NUP98: variants seen among roughly 807,000 people sequenced by gnomAD.
NUP98 encodes nuclear pore complex protein Nup98-Nup96.
Under a neutral mutation model 191.9 loss-of-function variants are expected in NUP98, and 26 were observed. That is an observed-to-expected ratio of 0.14 (90% CI 0.10 to 0.19). The LOEUF is 0.19. Ranked by LOEUF, NUP98 falls within the 10% of genes least tolerant of loss-of-function variation. The probability of loss-of-function intolerance (pLI) is 1.00; values close to 1 mark genes in which losing one functional copy is unlikely to be tolerated. For synonymous variants in NUP98, 808 were observed against 778.4 expected (o/e 1.04, Z -0.63); for missense variants, 1,941 against 2,178.8 (o/e 0.89, Z 2.17).
intron 30 of NUP98, among the ~76,000 whole-genome samples, chr11:3,680,574 C>T (rs1343968331): frequency 1.3e-5 from 2 of 152,160 alleles, no homozygotes; most frequent in Non-Finnish European, 2.9e-5. Context: ...TGGGGTCTCA[C>T]TCTCTCACTC....
intron 10 of NUP98, among the ~76,000 whole-genome samples, chr11:3,754,175 T>C (rs528214673): frequency 6.6e-6 from 1 of 152,294 alleles, no homozygotes; most frequent in Admixed American, 6.5e-5. Flanking sequence ...ACGCCTGTAA[T>C]CCCAACACTT....
chr11:3,689,210 G>A (rs556013058), intron 28 of NUP98, among the ~76,000 whole-genome samples: 1 of 152,158 alleles, frequency 6.6e-6, no homozygotes, highest in Non-Finnish European at 1.5e-5. Flanking sequence ...ACCAGCCCGG[G>A]TGACAGAGCA....
chr11:3,721,881 C>G (rs7131258), intron 16 of NUP98, among the ~76,000 whole-genome samples: 3,093 of 152,242 alleles, frequency 0.02, 98 homozygotes, highest in African/African-American at 0.067. Context: ...GGCTAACTTG[C>G]TCTCTGAGAG....
rs759892056 is a variant in NUP98 at position 3,778,929 on chromosome 11, C to G, written c.299G>C (p.Ser100Thr). 4 of 1,614,074 alleles carry G rather than the reference C, an allele frequency of 2.5e-6. No homozygotes were observed. Among genetic ancestry groups the G allele is most frequent in the Admixed American group, 1.7e-5 (1 of 59,988 alleles). ...GGCATTGTTTTGGGATGAGAAGAGA[C>G]TGGTCCCTGTGCTTGCAGTTCCAAA... ...TLFGTASTGT[S>T]LFSSQNNAFA... The change falls in exon 4 of 33, where the codon AGT (serine) becomes ACT (threonine). Residue 100 changes from serine (S) to threonine (T), a missense_variant. Ser to Thr is a moderately conservative substitution (Grantham distance 58, BLOSUM62 1). Coordinates refer to ENST00000324932, the MANE Select transcript of NUP98 (RefSeq NM_016320.5).
At chr11:3,722,104 TC>T (rs370756985) in intron 16 of NUP98, among the ~76,000 whole-genome samples, 7 of 147,522 alleles carry the variant, frequency 4.7e-5, no homozygotes, top group Non-Finnish European at 9.0e-5. Flanking sequence ...CACCTGGAAT[TC>T]TTTTTTTTTT....
Position 3,702,401 on chromosome 11 carries a change from T to C in NUP98, c.3512+62A>G, listed in dbSNP as rs2078733413. Reference sequence around the variant, plus strand: ...ATGACAAAGCAGGGCCCTATCCTCCTGATTAGTTTTTTTCACCTATCATGT... The same window carrying C: ...ATGACAAAGCAGGGCCCTATCCTCCCGATTAGTTTTTTTCACCTATCATGT... On this transcript the variant is annotated intron_variant, in intron 23 of 32. Transcript: ENST00000324932. The C allele has an allele frequency of 3.9e-6, 5 of 1,285,862 alleles. No individual in the cohort carries two copies. The Admixed American group carries it at 5.5e-5, about 14-fold the overall frequency. The allele number at this position is 1,285,862 out of a possible 1,614,324, so 79.7% of individuals were successfully genotyped here. A position where few individuals can be genotyped will look rare whatever the true frequency, so the allele number is the denominator to read the frequency against.
At chr11:3,742,305 G>C (rs1366048635) in intron 12 of NUP98, among the ~76,000 whole-genome samples, 1 of 152,166 alleles carries the variant, frequency 6.6e-6, no homozygotes, top group Non-Finnish European at 1.5e-5. Flanking sequence ...AGAATCATTT[G>C]CAACAGTTCA....
intron 15 of NUP98, among the ~76,000 whole-genome samples, chr11:3,724,120 A>G (rs887270301): frequency 3.9e-5 from 6 of 152,078 alleles, no homozygotes; most frequent in African/African-American, 1.2e-4. Context: ...TCTTTATATA[A>G]TAAAATATAT....
rs1437667611 is a variant in NUP98, at chr11:3,705,185, T to A, written c.3082+15A>T. On this transcript the variant is annotated intron_variant, in intron 22 of 32. Coordinates refer to ENST00000324932, the MANE Select transcript of NUP98 (RefSeq NM_016320.5). ...TGTACAGCTTTCTTGTAAAATAGCA[T>A]CTTTTATACTGTACCTAGTGAACGA... 1 of 1,612,886 alleles carries A rather than the reference T, an allele frequency of 6.2e-7. No homozygotes were observed. Among genetic ancestry groups the A allele is most frequent in the Non-Finnish European group, 8.5e-7 (1 of 1,179,248 alleles).
rs189763172 is a variant in NUP98 at position 3,710,452 on chromosome 11, G to A, written c.2742+2112C>T. ...AAGAACCAACTGGAAACAGGGGACT[G>A]ACGATATTATATAAAAGGTAATGGA... is the stretch of plus-strand genomic sequence containing the variant. On this transcript the variant is annotated intron_variant, in intron 20 of 32. Coordinates refer to ENST00000324932, the MANE Select transcript of NUP98 (RefSeq NM_016320.5). 4.0e-3 allele frequency among the ~76,000 whole-genome samples: 615 copies of A among 152,246 alleles called. 3 individuals carry two copies. The highest frequency in any genetic ancestry group is 0.019 in the South Asian group (91 of 4,822).
At position 3,788,923 on chromosome 11, in the gene NUP98, GA is replaced by G. The variant is rs565448678; in HGVS notation, c.-28-6779del. Among the ~76,000 whole-genome samples the G allele has an allele frequency of 7.3e-3, 1,114 of 152,088 alleles. 7 individuals carry two copies. The highest frequency in any genetic ancestry group is 0.014 in the Admixed American group (211 of 15,274). On this transcript the variant is annotated intron_variant, in intron 1 of 32. Transcript: ENST00000324932. The stretch of plus-strand genomic sequence containing the variant: ...GATCGTGCCACTGCACTCCAGCCTG[GA>G]TAACAACAGTGAAACTCCATCTCAA...
At chr11:3,780,372 TAA>T (rs770071322) in intron 2 of NUP98, among the ~76,000 whole-genome samples, 17 of 89,430 alleles carry the variant, frequency 1.9e-4, no homozygotes, top group Non-Finnish European at 1.9e-4. Context: ...CCACTTAAAA[TAA>T]AAAAAAAAAA....
rs73426351 is a variant in NUP98, at chr11:3,676,788, A to C, written c.5074-168T>G. 4.5e-3 allele frequency: 3,396 copies of C among 746,728 alleles called. 95 individuals are homozygous for C. In the African/African-American group the frequency reaches 0.052, roughly 11 times the overall value. 46.3% of individuals were successfully genotyped at this position (746,728 alleles called of 1,614,324 possible). On this transcript the variant is annotated intron_variant, in intron 31 of 32. Coordinates refer to ENST00000324932, the MANE Select transcript of NUP98 (RefSeq NM_016320.5). The stretch of plus-strand genomic sequence containing the variant: ...ACCATCTAGTGGAGGACAAGGCACT[A>C]ATTATGCAGTAATAGCCAAGAGGAA...
chr11:3,735,748 AGTGTGTGTGTGTGTGTGT>A (rs71041385), intron 12 of NUP98, among the ~76,000 whole-genome samples: 9 of 140,872 alleles, frequency 6.4e-5, no homozygotes, highest in South Asian at 2.4e-4. Context: ...CAGGGCAAGT[AGTGTGTGTGTGTGTGTGT>A]GTGTGTGTGT....
chr11:3,791,995 C>T (rs1165297437), intron 1 of NUP98, among the ~76,000 whole-genome samples: 9 of 150,720 alleles, frequency 6.0e-5, no homozygotes, highest in African/African-American at 1.7e-4. Flanking sequence ...CTGGCTAACA[C>T]GGTGAAACCC....
chr11:3,729,465 C>A (rs568046155), intron 14 of NUP98, among the ~76,000 whole-genome samples: 20 of 148,924 alleles, frequency 1.3e-4, no homozygotes, highest in African/African-American at 5.0e-4. Flanking sequence ...TGCCTGTAAT[C>A]CTAACACCTT....
At chr11:3,725,287 T>C (rs1452402610) in intron 14 of NUP98, 68 bp from the exon 15 acceptor site, 5 of 720,596 alleles carry the variant, frequency 6.9e-6, no homozygotes, top group African/African-American at 3.5e-5. Context: ...CCAGACATTA[T>C]CTTAAAAACT....
intron 18 of NUP98, among the ~76,000 whole-genome samples, chr11:3,718,353 T>C (rs2079261682): frequency 6.6e-6 from 1 of 151,992 alleles, no homozygotes; most frequent in South Asian, 2.1e-4. Flanking sequence ...CTGGTCAACA[T>C]GGCAAAACCC....
intron 26 of NUP98, among the ~76,000 whole-genome samples, chr11:3,693,921 A>G (rs566624735): frequency 2.0e-5 from 3 of 152,356 alleles, no homozygotes; most frequent in East Asian, 1.9e-4. Context: ...AAAATGGAAC[A>G]TAAGTGGCTA....
Sources: allele counts gnomAD v4.1 joint callset (sites outside exome capture counted in the v4.1 genomes callset), GRCh38; gene constraint gnomAD v4.1.1; transcripts MANE v1.5; gene names NCBI Gene and HGNC (gene_info 2026-07-23, HGNC 2026-07-21).